The following SLC39A11 variants were observed in gnomAD, a reference collection of about 807,000 sequenced individuals.
SLC39A11 encodes solute carrier family 39 member 11.
SLC39A11 carries 33 observed loss-of-function variants against 36.1 expected under a neutral mutation model. The ratio of observed to expected loss-of-function variants is 0.91; its 90% CI spans 0.69 to 1.22. The LOEUF is 1.22. Among genes scored for constraint, SLC39A11 ranks in the 50% most tolerant of loss-of-function variants. The pLI is 0.00. For synonymous variants in SLC39A11, 166 were observed against 170.3 expected (o/e 0.97, Z 0.20); for missense variants, 432 against 430.3 (o/e 1.00, Z -0.03).
At chr17:73,082,142 A>AG (rs59216406) in intron 3 of SLC39A11, among the ~76,000 whole-genome samples, 2 of 146,272 alleles carry the variant, frequency 1.4e-5, no homozygotes, top group Non-Finnish European at 3.0e-5. Context: ...AAAAAAAAAA[A>AG]GGGCAAAAAT....
At position 72,666,657 on chromosome 17, in the gene SLC39A11, A is replaced by C. The variant is rs147591895; in HGVS notation, c.672-17389T>G. 5.1e-3 allele frequency among the ~76,000 whole-genome samples: 782 copies of C among 152,146 alleles called. 4 individuals are homozygous for C. The highest frequency in any genetic ancestry group is 6.8e-3 in the Middle Eastern group (2 of 294). On this transcript the variant is annotated intron_variant, in intron 7 of 9. Coordinates refer to ENST00000255559, the MANE Select transcript of SLC39A11 (RefSeq NM_139177.4). ...GGCCCAAGTTCAAAGCTGAACACCA[A>C]CACCACCTGCTCCTCCTCTTCCTTC...
At chr17:73,025,045 G>A (rs1293703215) in intron 4 of SLC39A11, among the ~76,000 whole-genome samples, 7 of 151,968 alleles carry the variant, frequency 4.6e-5, no homozygotes, top group East Asian at 1.9e-4. Flanking sequence ...AAGTACACAC[G>A]CACACTGTTC....
At chr17:72,843,688 A>G (rs2078920553) in intron 6 of SLC39A11, among the ~76,000 whole-genome samples, 1 of 152,146 alleles carries the variant, frequency 6.6e-6, no homozygotes. Flanking sequence ...TTTCTAAGCT[A>G]CCCATTGTAT....
chr17:72,838,024 C>T, intron 6 of SLC39A11: 3 of 1,222,856 alleles, frequency 2.5e-6, no homozygotes, highest in Non-Finnish European at 3.1e-6. Flanking sequence ...TGGCTTACAC[C>T]TATAATCTCA....
intron 7 of SLC39A11, among the ~76,000 whole-genome samples, chr17:72,729,768 T>C (rs1030592349): frequency 2.0e-5 from 3 of 151,868 alleles, no homozygotes; most frequent in African/African-American, 7.3e-5. Flanking sequence ...ATGCTCCTGA[T>C]GAAATGTAGA....
At chr17:72,878,066 G>A (rs968819164) in intron 5 of SLC39A11, among the ~76,000 whole-genome samples, 9 of 147,522 alleles carry the variant, frequency 6.1e-5, no homozygotes, top group South Asian at 2.2e-4. Context: ...GAGAACACGC[G>A]GTGTTTGGTT....
chr17:72,936,128 G>T (rs912623275), intron 5 of SLC39A11, among the ~76,000 whole-genome samples: 1 of 152,024 alleles, frequency 6.6e-6, no homozygotes, highest in South Asian at 2.1e-4. Flanking sequence ...AACCCAGGAG[G>T]CAGACGTTGT....
chr17:73,037,713 C>T (rs879579781), intron 3 of SLC39A11, among the ~76,000 whole-genome samples: 1 of 152,230 alleles, frequency 6.6e-6, no homozygotes, highest in Non-Finnish European at 1.5e-5. Flanking sequence ...CCATAATCAG[C>T]TTCAACACAC....
chr17:72,676,070 T>TCACACACA (rs3222866), intron 7 of SLC39A11, among the ~76,000 whole-genome samples: 183 of 129,998 alleles, frequency 1.4e-3, no homozygotes, highest in Middle Eastern at 0.012. Flanking sequence ...TCACAATGTT[T>TCACACACA]CACACACACA....
chr17:72,933,623 G>A (rs972513934), intron 5 of SLC39A11, among the ~76,000 whole-genome samples: 7 of 152,196 alleles, frequency 4.6e-5, no homozygotes, highest in South Asian at 2.1e-4. Flanking sequence ...GGGTTCAAGC[G>A]ATTATCTAGC....
At chr17:72,673,600 A>G (rs936028545) in intron 7 of SLC39A11, among the ~76,000 whole-genome samples, 3 of 152,184 alleles carry the variant, frequency 2.0e-5, no homozygotes, top group African/African-American at 7.2e-5. Flanking sequence ...ATCTGTTCAA[A>G]AGACTGTTTT....
chr17:72,806,643 T>C (rs1273186049), intron 6 of SLC39A11, among the ~76,000 whole-genome samples: 1 of 152,054 alleles, frequency 6.6e-6, no homozygotes, highest in Non-Finnish European at 1.5e-5. Flanking sequence ...AGTAGAGTGG[T>C]GCGATCTTGG....
chr17:72,910,623 CAAAAAAAAAAAA>C (rs759842114), intron 5 of SLC39A11, among the ~76,000 whole-genome samples: 3 of 50,028 alleles, frequency 6.0e-5, no homozygotes, highest in African/African-American at 2.9e-4. Flanking sequence ...GACTCCGTCT[CAAAAAAAAAAAA>C]AAAAAAAAAG....
At chr17:72,904,159 G>A (rs1390100250) in intron 5 of SLC39A11, among the ~76,000 whole-genome samples, 5 of 152,168 alleles carry the variant, frequency 3.3e-5, no homozygotes, top group African/African-American at 7.2e-5. Flanking sequence ...CAAGCCGGGC[G>A]CGGTGGCACA....
chr17:72,698,627 A>G (rs972683949), intron 7 of SLC39A11, among the ~76,000 whole-genome samples: 2 of 152,232 alleles, frequency 1.3e-5, no homozygotes, highest in African/African-American at 4.8e-5. Flanking sequence ...GTTGAACAAC[A>G]GTGACTTAAA....
At chr17:73,024,103 A>T (rs1461296237) in intron 4 of SLC39A11, among the ~76,000 whole-genome samples, 1 of 152,350 alleles carries the variant, frequency 6.6e-6, no homozygotes, top group East Asian at 1.9e-4. Flanking sequence ...TAGACAGTGA[A>T]GTAAAAGGTC....
intron 5 of SLC39A11, among the ~76,000 whole-genome samples, chr17:72,853,821 G>A (rs1598118072): frequency 6.6e-6 from 1 of 152,104 alleles, no homozygotes; most frequent in Non-Finnish European, 1.5e-5. Context: ...GGTAAGGCTA[G>A]TTCAACCATC....
intron 4 of SLC39A11, among the ~76,000 whole-genome samples, chr17:72,977,752 T>C (rs1598690263): frequency 6.6e-6 from 1 of 152,264 alleles, no homozygotes; most frequent in East Asian, 1.9e-4. Flanking sequence ...ACAATGAGTT[T>C]GGGGAAACGG....
At chr17:73,008,922 G>A (rs901550261) in intron 4 of SLC39A11, among the ~76,000 whole-genome samples, 1 of 151,996 alleles carries the variant, frequency 6.6e-6, no homozygotes, top group Non-Finnish European at 1.5e-5. Flanking sequence ...ATAGGCAGGC[G>A]TGGCAGCACA....
Sources: gnomAD v4.1 joint callset for allele counts (sites outside exome capture counted in the v4.1 genomes callset) on GRCh38, gnomAD v4.1.1 for gene constraint, MANE v1.5 for transcripts, NCBI Gene and HGNC (gene_info 2026-07-23, HGNC 2026-07-21) for gene names.